Variants in TTC34 observed in about 807,000 individuals in gnomAD.
The protein encoded by TTC34 is tetratricopeptide repeat protein 34.
A neutral mutation model predicts 40.7 loss-of-function variants in TTC34; 44 were observed. The observed-to-expected ratio is 1.08, with a 90% confidence interval of 0.85 to 1.39. TTC34 has a LOEUF of 1.39. Ranked by LOEUF, TTC34 falls within the 40% of genes most tolerant of loss-of-function variation. The pLI, the probability that TTC34 is intolerant of heterozygous loss-of-function variation, is 0.00. For synonymous variants in TTC34, 422 were observed against 398.6 expected, an observed-to-expected ratio of 1.06 and a Z score of -0.70; for missense variants, 884 against 838.0, an observed-to-expected ratio of 1.05 and a Z score of -0.68.
At chr1:2,687,902 T>A (rs1446081851) in intron 6 of TTC34, among the ~76,000 whole-genome samples, 92 of 151,728 alleles carry the variant, frequency 6.1e-4, no homozygotes, top group African/African-American at 2.1e-3. Flanking sequence ...GGTGAGCATC[T>A]GACAGACTGG....
intron 5 of TTC34, among the ~76,000 whole-genome samples, chr1:2,784,996 G>A (rs1043235572): frequency 6.6e-6 from 1 of 151,936 alleles, no homozygotes; most frequent in Non-Finnish European, 1.5e-5. Context: ...GGGCTGCTCT[G>A]GGCCGCTCTG....
intron 6 of TTC34, among the ~76,000 whole-genome samples, chr1:2,684,957 C>T (rs1340608834): frequency 1.5e-5 from 2 of 137,506 alleles, no homozygotes; most frequent in Non-Finnish European, 3.1e-5. Flanking sequence ...ACCACCCACA[C>T]CCCCAGACGA....
At chr1:2,775,249 G>T (rs1350731297) in intron 6 of TTC34, 8 of 149,300 alleles carry the variant, frequency 5.4e-5, no homozygotes, top group Non-Finnish European at 8.9e-5. Context: ...GCATCTGACT[G>T]TATGGAATGA....
At chr1:2,790,384 G>A in intron 2 of TTC34, 38 bp from the exon 3 acceptor site, 1 of 398,474 alleles carries the variant, frequency 2.5e-6, no homozygotes, top group Non-Finnish European at 4.4e-6. Flanking sequence ...CTGCCTGGGG[G>A]GCCGACTCCC....
chr1:2,793,681 C>T (rs1643685304), intron 2 of TTC34, among the ~76,000 whole-genome samples: 1 of 152,112 alleles, frequency 6.6e-6, no homozygotes, highest in Non-Finnish European at 1.5e-5. Context: ...AATAATGCTC[C>T]TTTTCTTTCT....
rs536541811 is a variant in TTC34, at chr1:2,644,590, A to T, written c.2498-112T>A. ...CCCTGTGCTGGCTTGCGGGGAGCTG[A>T]TGATGGCTCAGCCCAGGAAGAAGGA... On this transcript the variant is annotated intron_variant, in intron 7 of 8. Coordinates refer to ENST00000401095, the Ensembl canonical transcript of TTC34. The T allele has an allele frequency of 1.4e-5, 16 of 1,122,206 alleles. No individual in the cohort carries two copies. In the African/African-American group the frequency reaches 2.2e-4, roughly 15 times the overall value. The allele number at this position is 1,122,206 out of a possible 1,614,324, so 69.5% of individuals were successfully genotyped here. A position where few individuals can be genotyped will look rare whatever the true frequency, so the allele number is the denominator to read the frequency against.
chr1:2,640,471 C>T (rs1399054830), exon 9 of TTC34: 1 of 152,206 alleles, frequency 6.6e-6, no homozygotes, highest in Non-Finnish European at 1.5e-5. Context: ...GGGGACTGTG[C>T]TCATCAGGGC....
At chr1:2,656,465 G>A (rs201787595) in intron 6 of TTC34, among the ~76,000 whole-genome samples, 2 of 29,242 alleles carry the variant, frequency 6.8e-5, no homozygotes, top group Non-Finnish European at 1.3e-4. Context: ...ACCCCCAGGT[G>A]CGCACGTGAC....
At chr1:2,639,131 A>G (rs1638846926) in exon 9 of TTC34, 1 of 152,278 alleles carries the variant, frequency 6.6e-6, no homozygotes, top group South Asian at 2.1e-4. Context: ...CACTTCTGAT[A>G]CCATAACCTT....
intron 6 of TTC34, among the ~76,000 whole-genome samples, chr1:2,683,575 C>A (rs1353172919): frequency 6.9e-6 from 1 of 144,852 alleles, no homozygotes; most frequent in African/African-American, 2.7e-5. Flanking sequence ...ATCCGACAGC[C>A]TGGAACAGCA....
chr1:2,795,711 AC>A (rs1465211017), intron 2 of TTC34, among the ~76,000 whole-genome samples: 1 of 152,208 alleles, frequency 6.6e-6, no homozygotes. Flanking sequence ...TTAATGAAGA[AC>A]CTTAAACAAA....
intron 6 of TTC34, among the ~76,000 whole-genome samples, chr1:2,687,974 A>G (rs4648680): frequency 5.0e-5 from 7 of 139,940 alleles, no homozygotes; most frequent in South Asian, 2.2e-4. Context: ...CACCCCCAGG[A>G]GAGCATCTGA....
intron 6 of TTC34, among the ~76,000 whole-genome samples, chr1:2,656,429 T>C (rs1248565945): frequency 4.1e-5 from 2 of 48,462 alleles, no homozygotes; most frequent in Non-Finnish European, 7.3e-5. Flanking sequence ...CAGGTGAGCA[T>C]CTGACAGCCT....
intron 6 of TTC34, among the ~76,000 whole-genome samples, chr1:2,675,004 C>A (rs1570787073): frequency 7.7e-6 from 1 of 129,520 alleles, no homozygotes; most frequent in Non-Finnish European, 1.7e-5. Flanking sequence ...CCCACACACC[C>A]AGGTGAGCAT....
intron 6 of TTC34, among the ~76,000 whole-genome samples, chr1:2,698,859 G>A (rs534243352): frequency 6.7e-6 from 1 of 149,446 alleles, no homozygotes; most frequent in Non-Finnish European, 1.5e-5. Context: ...TCCCAGGCGA[G>A]CATCTGACAT....
chr1:2,789,511 C>T (rs1238751031), exon 3 of TTC34: 1 of 1,504,692 alleles, frequency 6.6e-7, no homozygotes, highest in South Asian at 1.2e-5. Context: ...ACCCCTCCTG[C>T]GTGGTGGGGC....
At chr1:2,683,407 C>T (rs6673862) in intron 6 of TTC34, among the ~76,000 whole-genome samples, 733 of 9,478 alleles carry the variant, frequency 0.077, 2 homozygotes, top group Middle Eastern at 0.32. Context: ...GGTGAGCATC[C>T]GATAGCCTGG....
At chr1:2,800,196 C>T (rs956336066) in exon 2 of TTC34, 1 of 398,516 alleles carries the variant, frequency 2.5e-6, no homozygotes, top group Non-Finnish European at 4.4e-6. Context: ...TCGCTGGCCA[C>T]CGGTCTCCTG....
intron 6 of TTC34, among the ~76,000 whole-genome samples, chr1:2,760,025 CGGAGCAGCGCCCACACA>C (rs1641644230): frequency 6.2e-4 from 27 of 43,704 alleles, no homozygotes; most frequent in East Asian, 1.4e-3. Context: ...TCGGAGAGTC[CGGAGCAGCGCCCACACA>C]CCCAAGTGAG....
Sources: gnomAD v4.1 joint callset for allele counts (sites outside exome capture counted in the v4.1 genomes callset) on GRCh38, gnomAD v4.1.1 for gene constraint, MANE v1.5 for transcripts, NCBI Gene and HGNC (gene_info 2026-07-23, HGNC 2026-07-21) for gene names.